The following PLCZ1 variants were observed in gnomAD, a reference collection of about 807,000 sequenced individuals.
PLCZ1 encodes phospholipase C zeta 1, also known as 1-phosphatidylinositol 4,5-bisphosphate phosphodiesterase zeta-1.
A neutral mutation model predicts 76.8 loss-of-function variants in PLCZ1; 64 were observed. That is an observed-to-expected ratio of 0.83 (90% CI 0.68 to 1.03). The LOEUF (loss-of-function observed/expected upper bound fraction) is 1.03, where lower values mean the gene tolerates loss of function less well. Among genes scored for constraint, PLCZ1 ranks in the 50% least tolerant of loss-of-function variants. The pLI, the probability that PLCZ1 is intolerant of heterozygous loss-of-function variation, is 0.00. For synonymous variants in PLCZ1, 248 were observed against 230.8 expected (o/e 1.07, Z -0.68); for missense variants, 751 against 713.7 (o/e 1.05, Z -0.60).
chr12:18,659,702 TTAGGGC>T, the PLCZ1 span, among the ~76,000 whole-genome samples: 2,344 of 149,270 alleles, frequency 0.016, 56 homozygotes, highest in African/African-American at 0.055. Context: ...ACTTTAAGTT[TTAGGGC>T]ACATGTGCAC....
intron 12 of PLCZ1, among the ~76,000 whole-genome samples, chr12:18,689,725 T>C (rs1953767292): frequency 6.6e-6 from 1 of 152,174 alleles, no homozygotes; most frequent in Non-Finnish European, 1.5e-5. Flanking sequence ...GTCCTGTAGC[T>C]TTTATAAATT....
chr12:18,655,662 C>T, the PLCZ1 span, among the ~76,000 whole-genome samples: 2 of 151,824 alleles, frequency 1.3e-5, no homozygotes, highest in Non-Finnish European at 2.9e-5. Flanking sequence ...GTCGTGTTGG[C>T]AGTATGTACC....
At chr12:18,715,218 A>G (rs1957834807) in intron 5 of PLCZ1, among the ~76,000 whole-genome samples, 1 of 109,516 alleles carries the variant, frequency 9.1e-6, no homozygotes. Context: ...AGAGAGAGAG[A>G]GAGAGACCTT....
intron 4 of PLCZ1, among the ~76,000 whole-genome samples, chr12:18,720,244 A>T (rs1359603616): frequency 6.6e-6 from 1 of 151,926 alleles, no homozygotes; most frequent in African/African-American, 2.4e-5. Flanking sequence ...CTATGCCACA[A>T]TTTATTTATT....
intron 3 of PLCZ1, among the ~76,000 whole-genome samples, chr12:18,725,588 T>C (rs1041180740): frequency 6.6e-6 from 1 of 152,128 alleles, no homozygotes; most frequent in African/African-American, 2.4e-5. Flanking sequence ...AAGTTCTCAC[T>C]GTACCTCCTT....
the PLCZ1 span, among the ~76,000 whole-genome samples, chr12:18,677,242 G>T: frequency 6.6e-6 from 1 of 152,038 alleles, no homozygotes; most frequent in Non-Finnish European, 1.5e-5. Context: ...AATCCAGAGA[G>T]CAAAATCTAA....
At chr12:18,735,889 C>T (rs183768662) in intron 3 of PLCZ1, 47 of 171,742 alleles carry the variant, frequency 2.7e-4, no homozygotes, top group African/African-American at 1.1e-3. Context: ...CTTCTGCTAA[C>T]TTTGGGCTTA....
the PLCZ1 span, among the ~76,000 whole-genome samples, chr12:18,650,293 TTCTCTCTCTCTCTCTCTCTCTCTC>T: frequency 2.3e-5 from 2 of 87,728 alleles, no homozygotes; most frequent in Admixed American, 2.8e-4. Flanking sequence ...TAACCCAAAT[TTCTCTCTCTCTCTCTCTCTCTCTC>T]TCTCTCTCTC....
chr12:18,706,213 C>T (rs1051520862), intron 6 of PLCZ1, among the ~76,000 whole-genome samples: 14 of 147,930 alleles, frequency 9.5e-5, no homozygotes, highest in Non-Finnish European at 1.0e-4. Flanking sequence ...GCCTGGGTGA[C>T]GGAATGAGAC....
chr12:18,660,670 A>G, the PLCZ1 span, among the ~76,000 whole-genome samples: 1 of 152,130 alleles, frequency 6.6e-6, no homozygotes, highest in Non-Finnish European at 1.5e-5. Flanking sequence ...AAAACAGAAC[A>G]GATACAGCAA....
At chr12:18,736,596 G>A in intron 2 of PLCZ1, 1 of 791,628 alleles carries the variant, frequency 1.3e-6, no homozygotes, top group South Asian at 1.8e-5. Context: ...TTTGAGAATT[G>A]AAGTCATTAC....
the PLCZ1 span, among the ~76,000 whole-genome samples, chr12:18,654,440 C>A: frequency 6.6e-6 from 1 of 152,038 alleles, no homozygotes; most frequent in Non-Finnish European, 1.5e-5. Context: ...AATCAAATCA[C>A]CTTTTCCTTC....
the PLCZ1 span, among the ~76,000 whole-genome samples, chr12:18,662,023 G>A: frequency 6.6e-6 from 1 of 152,070 alleles, no homozygotes; most frequent in Non-Finnish European, 1.5e-5. Flanking sequence ...ACTAACGCAG[G>A]AACAGAAAAC....
At chr12:18,671,779 C>G in the PLCZ1 span, among the ~76,000 whole-genome samples, 760 of 152,198 alleles carry the variant, frequency 5.0e-3, 3 homozygotes, top group African/African-American at 0.017. Flanking sequence ...GCTGCTATAA[C>G]AAAAATATCA....
intron 12 of PLCZ1, among the ~76,000 whole-genome samples, chr12:18,688,731 G>T (rs538253562): frequency 6.6e-6 from 1 of 151,906 alleles, no homozygotes; most frequent in African/African-American, 2.4e-5. Context: ...AATAATAATT[G>T]TATTTAAACT....
At position 18,719,523 on chromosome 12, in the gene PLCZ1, A is replaced by T; in HGVS notation, c.477T>A (p.His159Gln). 6.3e-7 allele frequency: 1 copy of T among 1,586,716 alleles called. No individual in the cohort carries two copies. Among genetic ancestry groups the T allele is most frequent in the Non-Finnish European group, 8.6e-7 (1 of 1,162,294 alleles). ...ATGAAATAAAATAATCATTTAATGG[A>T]TGAGTCATATCTTGATAAACTTTTC... ...ECRKVYQDMT[H>Q]PLNDYFISSS... The change falls in exon 5 of 15, where the codon CAT (histidine) becomes CAA (glutamine). Residue 159 changes from histidine to glutamine, a missense_variant. Physicochemically the swap from His to Gln is conservative, Grantham distance 24. Coordinates refer to ENST00000266505, the MANE Select transcript of PLCZ1 (RefSeq NM_033123.4).
chr12:18,683,376 T>C (rs1565641980), intron 14 of PLCZ1, 52 bp from the exon 15 acceptor site: 3 of 1,564,884 alleles, frequency 1.9e-6, no homozygotes, highest in East Asian at 2.2e-5. Flanking sequence ...ATCAGTGGTG[T>C]CTCCAATAGC....
chr12:18,736,095 A>C lies in PLCZ1; in HGVS notation c.135+126T>G, dbSNP rs1302260136. 6 of 1,078,280 alleles carry C rather than the reference A, an allele frequency of 5.6e-6. No homozygotes were observed. In the East Asian group the frequency reaches 1.6e-4, roughly 29 times the overall value. The allele number at this position is 1,078,280 out of a possible 1,614,324, so 66.8% of individuals were successfully genotyped here. A position where few individuals can be genotyped will look rare whatever the true frequency, so the allele number is the denominator to read the frequency against. On this transcript the variant is annotated intron_variant, in intron 3 of 14. Coordinates refer to ENST00000266505, the MANE Select transcript of PLCZ1 (RefSeq NM_033123.4). ...TTCTACTGAAATGCTCTCCATCTTG[A>C]TTGTAAATATAGTTAGTATAATTAA...
At chr12:18,664,556 T>G in the PLCZ1 span, among the ~76,000 whole-genome samples, 1 of 152,248 alleles carries the variant, frequency 6.6e-6, no homozygotes, top group South Asian at 2.1e-4. Context: ...TATGAGATAC[T>G]TAAAGTGTTC....
Sources: gnomAD v4.1 joint callset for allele counts (sites outside exome capture counted in the v4.1 genomes callset) on GRCh38, gnomAD v4.1.1 for gene constraint, MANE v1.5 for transcripts, NCBI Gene and HGNC (gene_info 2026-07-23, HGNC 2026-07-21) for gene names.